ABCC4: variants seen among roughly 807,000 people sequenced by gnomAD.
The protein encoded by ABCC4 is ATP binding cassette subfamily C member 4 (PEL blood group).
A neutral mutation model predicts 168.5 loss-of-function variants in ABCC4; 102 were observed. The ratio of observed to expected loss-of-function variants is 0.61; its 90% CI spans 0.52 to 0.71. ABCC4 has a LOEUF of 0.71. Among genes scored for constraint, ABCC4 ranks in the 30% least tolerant of loss-of-function variants. The probability of loss-of-function intolerance (pLI) is 0.00; values close to 1 mark genes in which losing one functional copy is unlikely to be tolerated. For synonymous variants in ABCC4, 617 were observed against 590.7 expected (o/e 1.04, Z -0.65); for missense variants, 1,402 against 1,605.8 (o/e 0.87, Z 2.17).
At chr13:95,210,374 G>A (rs1280979747) in intron 5 of ABCC4, among the ~76,000 whole-genome samples, 2 of 152,262 alleles carry the variant, frequency 1.3e-5, no homozygotes, top group African/African-American at 2.4e-5. Context: ...CATGATAATC[G>A]GGTGTTCACG....
chr13:95,284,342 C>G (rs776638914), intron 1 of ABCC4, among the ~76,000 whole-genome samples: 1 of 152,134 alleles, frequency 6.6e-6, no homozygotes. Flanking sequence ...TGTGCACCAC[C>G]ATGACTGGCT....
rs539159744 is a variant in ABCC4 at position 95,142,274 on chromosome 13, T to G, written c.2455+18915A>C. On this transcript the variant is annotated intron_variant, in intron 19 of 30. Transcript: ENST00000645237. ...ATAAAAAAGAATGAATTAATGGCAT[T>G]TGCAGTGACCTGGATGAGACTGGAG... 7.2e-5 allele frequency among the ~76,000 whole-genome samples: 11 copies of G among 152,320 alleles called. No individual in the cohort carries two copies. In the South Asian group the frequency reaches 1.0e-3, roughly 14 times the overall value.
chr13:95,084,577 C>T (rs1296666924), intron 20 of ABCC4, among the ~76,000 whole-genome samples: 2 of 151,864 alleles, frequency 1.3e-5, no homozygotes, highest in Non-Finnish European at 2.9e-5. Context: ...ATTTCTCTTA[C>T]ATTTAGTAGC....
chr13:95,027,331 A>G (rs930381313), intron 30 of ABCC4, among the ~76,000 whole-genome samples: 3 of 152,092 alleles, frequency 2.0e-5, no homozygotes, highest in Admixed American at 6.6e-5. Context: ...GTACGCATCC[A>G]CTACCTATAT....
At chr13:95,177,019 G>C (rs1160370928) in intron 13 of ABCC4, among the ~76,000 whole-genome samples, 1 of 152,210 alleles carries the variant, frequency 6.6e-6, no homozygotes, top group African/African-American at 2.4e-5. Flanking sequence ...CGTAAGAGTT[G>C]GGAGGGAAGC....
At chr13:95,236,599 C>T (rs201508430) in intron 3 of ABCC4, among the ~76,000 whole-genome samples, 1 of 51,688 alleles carries the variant, frequency 1.9e-5, no homozygotes, top group Non-Finnish European at 5.9e-5. Flanking sequence ...CGCGCGCGTG[C>T]GCGCACACAC....
intron 19 of ABCC4, among the ~76,000 whole-genome samples, chr13:95,144,772 T>C (rs1291555189): frequency 6.6e-6 from 1 of 152,138 alleles, no homozygotes; most frequent in Non-Finnish European, 1.5e-5. Context: ...TCCATGCTCA[T>C]GGATAGGAAT....
At chr13:95,284,042 A>G (rs1465635197) in intron 1 of ABCC4, among the ~76,000 whole-genome samples, 1 of 151,768 alleles carries the variant, frequency 6.6e-6, no homozygotes, top group Admixed American at 6.6e-5. Context: ...TCTACTAAAA[A>G]TACAAAAAAA....
chr13:95,110,046 C>T (rs147758577), intron 20 of ABCC4, among the ~76,000 whole-genome samples: 19 of 152,224 alleles, frequency 1.2e-4, no homozygotes, highest in Admixed American at 7.9e-4. Flanking sequence ...TGATGGCGCA[C>T]GCCTGTAATC....
At chr13:95,133,106 A>T (rs2036027114) in intron 19 of ABCC4, among the ~76,000 whole-genome samples, 2 of 137,290 alleles carry the variant, frequency 1.5e-5, no homozygotes, top group African/African-American at 2.9e-5. Flanking sequence ...ATGATTTTAA[A>T]ACTTTTTTTT....
chr13:95,230,339 G>T (rs1268125092), intron 4 of ABCC4, among the ~76,000 whole-genome samples: 1 of 152,142 alleles, frequency 6.6e-6, no homozygotes, highest in African/African-American at 2.4e-5. Context: ...AAGTTAAACA[G>T]ACAAATTATT....
At chr13:95,166,039 G>T in intron 15 of ABCC4, 119 bp downstream of exon 15, 1 of 991,918 alleles carries the variant, frequency 1.0e-6, no homozygotes, top group Non-Finnish European at 1.5e-6. Context: ...ATAGAGCCCT[G>T]AAACCACAGA....
At chr13:95,257,706 A>T (rs927600779) in intron 1 of ABCC4, among the ~76,000 whole-genome samples, 4 of 152,074 alleles carry the variant, frequency 2.6e-5, no homozygotes, top group African/African-American at 9.7e-5. Context: ...AAATCTGCAC[A>T]TAAGTGGACT....
At chr13:95,078,337 G>A (rs781384090) in intron 21 of ABCC4, among the ~76,000 whole-genome samples, 4 of 152,120 alleles carry the variant, frequency 2.6e-5, no homozygotes, top group Non-Finnish European at 2.9e-5. Context: ...GCTTGAACTC[G>A]GGAGGTGGAA....
intron 20 of ABCC4, among the ~76,000 whole-genome samples, chr13:95,086,474 T>C (rs1470700183): frequency 6.6e-6 from 1 of 152,232 alleles, no homozygotes; most frequent in African/African-American, 2.4e-5. Flanking sequence ...TCTTCTAGAA[T>C]TAATTTTGTA....
intron 21 of ABCC4, among the ~76,000 whole-genome samples, chr13:95,082,130 A>G (rs2034117638): frequency 6.6e-6 from 1 of 152,210 alleles, no homozygotes; most frequent in Admixed American, 6.6e-5. Flanking sequence ...ATGGGACTCA[A>G]TGCTTCTCTT....
In ABCC4 at chr13:95,289,211, A is replaced by G. The variant is rs191479349; in HGVS notation, c.74+12030T>C. On this transcript the variant is annotated intron_variant, in intron 1 of 30. Transcript: ENST00000645237. The stretch of plus-strand genomic sequence containing the variant: ...ACATCCTGACCAATAAAATGCACCA[A>G]TAAAGATCAGCAAATAAAAGCAAGT... Among the ~76,000 whole-genome samples, 223 of 152,348 alleles carry G rather than the reference A, an allele frequency of 1.5e-3. 2 individuals carry two copies. The highest frequency in any genetic ancestry group is 2.0e-3 in the Non-Finnish European group (134 of 68,034).
intron 19 of ABCC4, among the ~76,000 whole-genome samples, chr13:95,128,865 A>G (rs1173223898): frequency 6.6e-6 from 1 of 152,160 alleles, no homozygotes; most frequent in Non-Finnish European, 1.5e-5. Flanking sequence ...TTTGGCTGAT[A>G]ATTCCCAAAG....
chr13:95,179,131 C>T (rs1476775578), intron 11 of ABCC4, among the ~76,000 whole-genome samples: 1 of 152,178 alleles, frequency 6.6e-6, no homozygotes, highest in Non-Finnish European at 1.5e-5. Context: ...GAGACCCAAC[C>T]GTGAGGGCTG....
Sources: allele counts gnomAD v4.1 joint callset (sites outside exome capture counted in the v4.1 genomes callset), GRCh38; gene constraint gnomAD v4.1.1; transcripts MANE v1.5; gene names NCBI Gene and HGNC (gene_info 2026-07-23, HGNC 2026-07-21).